CALCOCO2: variants seen among roughly 807,000 people sequenced by gnomAD.
CALCOCO2 encodes calcium-binding and coiled-coil domain-containing protein 2.
A neutral mutation model predicts 62.5 loss-of-function variants in CALCOCO2; 42 were observed. The observed-to-expected ratio is 0.67, with a 90% CI of 0.53 to 0.87. The LOEUF is 0.87. Ranked by LOEUF, CALCOCO2 falls within the 40% of genes least tolerant of loss-of-function variation. The pLI is 0.00. For missense variants in CALCOCO2, 456 were observed against 515.0 expected (o/e 0.89, Z 1.11); for synonymous variants, 167 against 173.0 (o/e 0.97, Z 0.27).
intron 9 of CALCOCO2, among the ~76,000 whole-genome samples, chr17:48,854,648 C>T (rs2040187241): frequency 1.3e-5 from 2 of 151,114 alleles, no homozygotes; most frequent in South Asian, 4.2e-4. Flanking sequence ...TCTGGTGATC[C>T]ACCCACCTCG....
At chr17:48,833,549 A>G (rs1303181913) in intron 1 of CALCOCO2, among the ~76,000 whole-genome samples, 1 of 25,044 alleles carries the variant, frequency 4.0e-5, no homozygotes, top group Non-Finnish European at 6.1e-5. Flanking sequence ...TCTGTCTCAA[A>G]AAAAAAAAAA....
chr17:48,842,813 G>A (rs552406075), intron 2 of CALCOCO2, among the ~76,000 whole-genome samples: 13 of 151,992 alleles, frequency 8.6e-5, no homozygotes, highest in Non-Finnish European at 1.6e-4. Flanking sequence ...GCTAATTTTT[G>A]TATTTTTAGA....
intron 1 of CALCOCO2, among the ~76,000 whole-genome samples, chr17:48,833,056 C>T (rs564999467): frequency 6.6e-6 from 1 of 152,260 alleles, no homozygotes; most frequent in South Asian, 2.1e-4. Context: ...AAATTTTGGG[C>T]TAGAGCAAAT....
Sources: gnomAD v4.1 joint callset for allele counts (sites outside exome capture counted in the v4.1 genomes callset) on GRCh38, gnomAD v4.1.1 for gene constraint, MANE v1.5 for transcripts, NCBI Gene and HGNC (gene_info 2026-07-23, HGNC 2026-07-21) for gene names.